Variants in ENOPH1 observed in about 807,000 individuals in gnomAD.
ENOPH1 encodes the protein enolase-phosphatase 1, also known as enolase-phosphatase E1.
Under a neutral mutation model 31.1 loss-of-function variants are expected in ENOPH1, and 14 were observed. That is an observed-to-expected ratio of 0.45 (90% CI 0.30 to 0.70). The LOEUF is 0.70. Among genes scored for constraint, ENOPH1 ranks in the 30% least tolerant of loss-of-function variants. ENOPH1 has a pLI of 0.09. For synonymous variants in ENOPH1, 127 were observed against 123.2 expected (o/e 1.03, Z -0.21); for missense variants, 243 against 321.5 (o/e 0.76, Z 1.87).
chr4:82,441,338 G>A (rs749410061), intron 1 of ENOPH1, among the ~76,000 whole-genome samples: 5 of 152,170 alleles, frequency 3.3e-5, no homozygotes, highest in Non-Finnish European at 7.3e-5. Flanking sequence ...AAAACCATCA[G>A]GTTGTCAGGT....
At chr4:82,457,855 C>G (rs1265340730) in intron 5 of ENOPH1, among the ~76,000 whole-genome samples, 1 of 152,152 alleles carries the variant, frequency 6.6e-6, no homozygotes, top group Non-Finnish European at 1.5e-5. Flanking sequence ...TTGTGTTTAG[C>G]CACTTAATTT....
At position 82,449,507 on chromosome 4, in the gene ENOPH1, A is replaced by G. The variant is rs1170162480; in HGVS notation, c.186+1486A>G. ...GCAGGCGTCTCAGATGGTGAAAGTC[A>G]GGAGCAAGAGAGTGGGGAGGGGAGG... On this transcript the variant is annotated intron_variant, in intron 2 of 5. Transcript: ENST00000273920. Among the ~76,000 whole-genome samples the G allele has an allele frequency of 5.9e-5, 9 of 152,174 alleles. 1 individual carries two copies. Among genetic ancestry groups the G allele is most frequent in the African/African-American group, 2.4e-5 (1 of 41,434 alleles).
In ENOPH1 at chr4:82,431,333, C is replaced by A. The variant is rs76210269; in HGVS notation, c.84+420C>A. On this transcript the variant is annotated intron_variant, in intron 1 of 5. Transcript: ENST00000273920. ...TTTAATGGTCCTTAAAGCTTCCGAT[C>A]TCAAAATGGAAAGACTGAAGTGTCA... Among the ~76,000 whole-genome samples the A allele has an allele frequency of 3.3e-5, 5 of 152,368 alleles. No individual in the cohort carries two copies. The East Asian group carries it at 9.6e-4, about 29-fold the overall frequency.
chr4:82,459,115 G>A (rs1027098006), intron 5 of ENOPH1, among the ~76,000 whole-genome samples: 3 of 152,150 alleles, frequency 2.0e-5, no homozygotes, highest in Non-Finnish European at 2.9e-5. Flanking sequence ...TTTCTCACCA[G>A]TTTTGTTCTA....
chr4:82,434,480 G>C (rs931719951), intron 1 of ENOPH1, among the ~76,000 whole-genome samples: 1 of 152,094 alleles, frequency 6.6e-6, no homozygotes, highest in Non-Finnish European at 1.5e-5. Flanking sequence ...TTGGGAGGCC[G>C]AGACAGGTGG....
chr4:82,452,964 T>G (rs375363606), intron 3 of ENOPH1, among the ~76,000 whole-genome samples: 57 of 148,182 alleles, frequency 3.8e-4, no homozygotes, highest in African/African-American at 1.4e-3. Context: ...TGCAGTGGCG[T>G]GATCTCAGCT....
chr4:82,430,880 C>T lies in ENOPH1; in HGVS notation c.51C>T (p.Ile17=). The change falls in exon 1 of 6, where the codon ATC becomes ATT. Residue 17 remains isoleucine, a synonymous_variant. Coordinates refer to ENST00000273920, the MANE Select transcript of ENOPH1 (RefSeq NM_021204.5). ...AAGTCACCGTGATCCTGTTAGATAT[C>T]GAAGGTACCACAACCCCGATTGCTT... The part of the protein sequence containing the change: ...PAEVTVILLD[I]EGTTTPIAFV... 1 of 1,614,232 alleles carries T rather than the reference C, an allele frequency of 6.2e-7. No homozygotes were observed. Among genetic ancestry groups the T allele is most frequent in the Non-Finnish European group, 8.5e-7 (1 of 1,180,020 alleles).
intron 1 of ENOPH1, among the ~76,000 whole-genome samples, chr4:82,445,540 C>T (rs1358328302): frequency 6.6e-6 from 1 of 152,172 alleles, no homozygotes; most frequent in East Asian, 1.9e-4. Flanking sequence ...ACTGCAGCCT[C>T]AGCCTCCTGG....
chr4:82,451,878 G>A (rs905689588), intron 3 of ENOPH1, among the ~76,000 whole-genome samples: 20 of 151,834 alleles, frequency 1.3e-4, no homozygotes, highest in Non-Finnish European at 1.9e-4. Flanking sequence ...ACCTCCCCTA[G>A]TTCAGGTGAT....
chr4:82,450,435 T>C (rs944459574), intron 2 of ENOPH1, among the ~76,000 whole-genome samples: 2 of 152,252 alleles, frequency 1.3e-5, no homozygotes, highest in South Asian at 4.1e-4. Context: ...CTTACCTTTT[T>C]TTGTTGTCAA....
At chr4:82,449,274 A>G (rs115494586) in intron 2 of ENOPH1, among the ~76,000 whole-genome samples, 3,214 of 152,236 alleles carry the variant, frequency 0.021, 122 homozygotes, top group African/African-American at 0.073. Flanking sequence ...AGAATGCAAA[A>G]GGTTTTGAGC....
At chr4:82,443,796 T>C (rs1309742541) in intron 1 of ENOPH1, among the ~76,000 whole-genome samples, 1 of 152,138 alleles carries the variant, frequency 6.6e-6, no homozygotes, top group Admixed American at 6.5e-5. Context: ...TAAAAAATAC[T>C]AAGTTCTCAA....
intron 1 of ENOPH1, among the ~76,000 whole-genome samples, chr4:82,442,415 G>GAGGCCGAGGC (rs1722064118): frequency 6.6e-6 from 1 of 152,140 alleles, no homozygotes; most frequent in Non-Finnish European, 1.5e-5. Context: ...AGCTACTCAG[G>GAGGCCGAGGC]AGGCCGAGGC....
At chr4:82,451,812 G>C (rs575370163) in intron 3 of ENOPH1, among the ~76,000 whole-genome samples, 1 of 152,024 alleles carries the variant, frequency 6.6e-6, no homozygotes, top group Non-Finnish European at 1.5e-5. Flanking sequence ...ATTCAGACAG[G>C]GTCCTACTCT....
intron 1 of ENOPH1, among the ~76,000 whole-genome samples, chr4:82,441,510 T>C (rs1336751359): frequency 6.6e-6 from 1 of 152,124 alleles, no homozygotes; most frequent in Non-Finnish European, 1.5e-5. Flanking sequence ...GGCGGGTGCC[T>C]GTAGTCCCAG....
chr4:82,434,565 T>C (rs1361892838), intron 1 of ENOPH1, among the ~76,000 whole-genome samples: 1 of 152,022 alleles, frequency 6.6e-6, no homozygotes, highest in Non-Finnish European at 1.5e-5. Context: ...AATACAAAAA[T>C]TAGCCGGGCA....
chr4:82,450,424 C>T (rs1458423275), intron 2 of ENOPH1, among the ~76,000 whole-genome samples: 1 of 151,578 alleles, frequency 6.6e-6, no homozygotes, highest in Non-Finnish European at 1.5e-5. Context: ...TACTTTCCTC[C>T]CTTACCTTTT....
chr4:82,443,299 A>G (rs1160276022), intron 1 of ENOPH1, among the ~76,000 whole-genome samples: 2 of 150,570 alleles, frequency 1.3e-5, no homozygotes, highest in Middle Eastern at 3.4e-3. Flanking sequence ...TTAGCTGGGT[A>G]TGGTGGCTCA....
At position 82,456,909 on chromosome 4, in the gene ENOPH1, G is replaced by T; in HGVS notation, c.523-6G>T. 6.2e-7 allele frequency: 1 copy of T among 1,613,526 alleles called. No individual in the cohort carries two copies. Among genetic ancestry groups the T allele is most frequent in the Non-Finnish European group, 8.5e-7 (1 of 1,179,764 alleles). On this transcript the variant is annotated splice_region_variant and splice_polypyrimidine_tract_variant and intron_variant, in intron 4 of 5. Coordinates refer to ENST00000273920, the MANE Select transcript of ENOPH1 (RefSeq NM_021204.5). ...ATTGCCAGTCTTTCCCCTTCTCTTTGTTCAGCTTGTTGATGGTCACTTTGA... is the reference window on the plus strand; with the variant it reads ...ATTGCCAGTCTTTCCCCTTCTCTTTTTTCAGCTTGTTGATGGTCACTTTGA...
Sources: allele counts gnomAD v4.1 joint callset (sites outside exome capture counted in the v4.1 genomes callset), GRCh38; gene constraint gnomAD v4.1.1; transcripts MANE v1.5; gene names NCBI Gene and HGNC (gene_info 2026-07-23, HGNC 2026-07-21).